CDRT4: variants seen among roughly 807,000 people sequenced by gnomAD.
CDRT4 encodes CMT1A duplicated region transcript 4.
For synonymous variants in CDRT4, 64 were observed against 69.6 expected (o/e 0.92, Z 0.40); for missense variants, 167 against 193.1 (o/e 0.87, Z 0.80).
intron 2 of CDRT4, among the ~76,000 whole-genome samples, chr17:15,448,631 C>T (rs932185060): frequency 2.0e-5 from 3 of 152,230 alleles, no homozygotes; most frequent in African/African-American, 7.2e-5. Flanking sequence ...TGGGCCTTTG[C>T]AGGCCTCTCA....
chr17:15,454,669 C>T (rs893797350), intron 1 of CDRT4, among the ~76,000 whole-genome samples: 7 of 152,162 alleles, frequency 4.6e-5, no homozygotes, highest in Non-Finnish European at 1.0e-4. Context: ...CAAGAAGTCT[C>T]GCCAGATTCC....
intron 2 of CDRT4, chr17:15,443,900 G>C: frequency 1.6e-6 from 1 of 640,320 alleles, no homozygotes; most frequent in Non-Finnish European, 3.0e-6. Flanking sequence ...ACTACAAGTT[G>C]AGGTCTGTGT....
At chr17:15,443,716 C>T (rs1456382651) in intron 2 of CDRT4, 6 of 465,016 alleles carry the variant, frequency 1.3e-5, no homozygotes, top group Admixed American at 1.0e-4. Flanking sequence ...ACACAGTTAT[C>T]GTGAAGGGCC....
At chr17:15,447,319 G>A (rs1341557010) in intron 2 of CDRT4, among the ~76,000 whole-genome samples, 1 of 152,110 alleles carries the variant, frequency 6.6e-6, no homozygotes, top group Non-Finnish European at 1.5e-5. Context: ...TGGGTGGGGA[G>A]GAGTGTCAAG....
chr17:15,456,739 C>A (rs1979501055), intron 1 of CDRT4, among the ~76,000 whole-genome samples: 1 of 152,130 alleles, frequency 6.6e-6, no homozygotes, highest in Non-Finnish European at 1.5e-5. Context: ...GAGACTGGCG[C>A]CCCACCAAAG....
rs1979223223 is a variant in CDRT4 at position 15,450,722 on chromosome 17, A to C, written c.-48+2282T>G. ...CCAACTGCCAATATACTACATCTTT[A>C]TTTGTATATCTAATAACCTCTCAAA... On this transcript the variant is annotated intron_variant, in intron 2 of 3. Coordinates refer to ENST00000619038, the MANE Select transcript of CDRT4 (RefSeq NM_001204477.2). This position sits in a 1 kb window ranked among gnomAD's most constrained non-coding sequence, Gnocchi z 4.2. 6.6e-6 allele frequency among the ~76,000 whole-genome samples: 1 copy of C among 152,128 alleles called. No individual in the cohort carries two copies. Among genetic ancestry groups the C allele is most frequent in the South Asian group, 2.1e-4 (1 of 4,830 alleles).
chr17:15,447,743 C>T (rs1488258077), intron 2 of CDRT4, among the ~76,000 whole-genome samples: 2 of 152,190 alleles, frequency 1.3e-5, no homozygotes, highest in Non-Finnish European at 2.9e-5. Context: ...CTATTATCTA[C>T]AGATCAAGTT....
At chr17:15,438,411 G>GA (rs1978603963) in intron 3 of CDRT4, among the ~76,000 whole-genome samples, 1 of 143,006 alleles carries the variant, frequency 7.0e-6, no homozygotes, top group Non-Finnish European at 1.5e-5. Context: ...ATGGTAAGGA[G>GA]CAAGAGACAG....
rs920237223 is a variant in CDRT4, at chr17:15,450,842, T to C, written c.-48+2162A>G. 6.6e-6 allele frequency among the ~76,000 whole-genome samples: 1 copy of C among 152,208 alleles called. No homozygotes were observed. The highest frequency in any genetic ancestry group is 1.5e-5 in the Non-Finnish European group (1 of 68,044). On this transcript the variant is annotated intron_variant, in intron 2 of 3. Coordinates refer to ENST00000619038, the MANE Select transcript of CDRT4 (RefSeq NM_001204477.2). The surrounding 1 kb of genome is among the most constrained non-coding windows in gnomAD (Gnocchi z 4.2). ...GAAAGAGGCATCATCATTCATCGAA[T>C]TGCCCAGTTCAAACATCTAACATCT...
At chr17:15,446,559 A>G (rs1979037250) in intron 2 of CDRT4, among the ~76,000 whole-genome samples, 1 of 152,162 alleles carries the variant, frequency 6.6e-6, no homozygotes, top group Non-Finnish European at 1.5e-5. Flanking sequence ...GCCTCTCCCC[A>G]GAAACGAACA....
intron 1 of CDRT4, among the ~76,000 whole-genome samples, chr17:15,463,637 C>T (rs1979860149): frequency 6.6e-6 from 1 of 152,160 alleles, no homozygotes; most frequent in Admixed American, 6.6e-5. Flanking sequence ...GCAGCTCCAC[C>T]CTCTGTGAGC....
intron 1 of CDRT4, among the ~76,000 whole-genome samples, chr17:15,459,506 G>A (rs560345823): frequency 1.1e-3 from 166 of 145,794 alleles, no homozygotes; most frequent in Admixed American, 2.4e-3. Flanking sequence ...GTGCAGTGGC[G>A]CGATCGCAGC....
intron 3 of CDRT4, among the ~76,000 whole-genome samples, chr17:15,438,784 G>A (rs1430006310): frequency 2.0e-5 from 3 of 152,126 alleles, no homozygotes; most frequent in Admixed American, 6.5e-5. Context: ...TAAAACCTTC[G>A]GCTATGTCTC....
At chr17:15,451,112 G>A (rs1979241717) in intron 2 of CDRT4, among the ~76,000 whole-genome samples, 3 of 152,166 alleles carry the variant, frequency 2.0e-5, no homozygotes, top group Admixed American at 2.0e-4. Context: ...GGACCTGGTG[G>A]GAGGTAACTG....
Position 15,450,351 on chromosome 17 carries a change from A to G in CDRT4, c.-48+2653T>C, listed in dbSNP as rs1396859026. Among the ~76,000 whole-genome samples the G allele has an allele frequency of 6.6e-6, 1 of 152,030 alleles. No individual in the cohort carries two copies. Among genetic ancestry groups the G allele is most frequent in the East Asian group, 1.9e-4 (1 of 5,180 alleles). On this transcript the variant is annotated intron_variant, in intron 2 of 3. Coordinates refer to ENST00000619038, the MANE Select transcript of CDRT4 (RefSeq NM_001204477.2). This position sits in a 1 kb window ranked among gnomAD's most constrained non-coding sequence, Gnocchi z 4.2. ...GCACTATGCCTTCCTTCCCACTACT[A>G]TGAATGAGGCATCTGTATTCCTGTC...
At chr17:15,440,990 G>T (rs1231598492) in intron 2 of CDRT4, among the ~76,000 whole-genome samples, 1 of 152,148 alleles carries the variant, frequency 6.6e-6, no homozygotes, top group Non-Finnish European at 1.5e-5. Flanking sequence ...GATTTGTAAG[G>T]TTATATTATT....
chr17:15,462,633 A>G (rs1434562650), intron 1 of CDRT4, among the ~76,000 whole-genome samples: 1 of 152,168 alleles, frequency 6.6e-6, no homozygotes, highest in Non-Finnish European at 1.5e-5. Context: ...TTGCAGCCAC[A>G]TGAATGAATC....
chr17:15,441,220 G>C (rs1978741306), intron 2 of CDRT4, among the ~76,000 whole-genome samples: 1 of 152,202 alleles, frequency 6.6e-6, no homozygotes, highest in Non-Finnish European at 1.5e-5. Flanking sequence ...CCCAGATGAT[G>C]CTGGTGCTTT....
At chr17:15,456,351 A>G (rs76885582) in intron 1 of CDRT4, among the ~76,000 whole-genome samples, 1,595 of 152,252 alleles carry the variant, frequency 0.01, 36 homozygotes, top group African/African-American at 0.037. Context: ...CTTGCCTTAC[A>G]CATTACTGGA....
Sources: gnomAD v4.1 joint callset for allele counts (sites outside exome capture counted in the v4.1 genomes callset) on GRCh38, gnomAD v4.1.1 for gene constraint, Gnocchi (gnomAD v3.1) non-coding constraint, MANE v1.5 for transcripts, NCBI Gene and HGNC (gene_info 2026-07-23, HGNC 2026-07-21) for gene names.